Variants in TANC1 observed in about 807,000 individuals in gnomAD.
TANC1 encodes the protein tetratricopeptide repeat, ankyrin repeat and coiled-coil containing 1.
A neutral mutation model predicts 149.7 loss-of-function variants in TANC1; 77 were observed. The observed-to-expected ratio is 0.51, with a 90% CI of 0.43 to 0.62. The LOEUF is 0.62. Ranked by LOEUF, TANC1 falls within the 20% of genes least tolerant of loss-of-function variation. TANC1 has a pLI of 0.00. For missense variants in TANC1, 1,985 were observed against 2,321.8 expected (o/e 0.85, Z 2.98); for synonymous variants, 854 against 925.0 (o/e 0.92, Z 1.39).
chr2:159,192,449 A>C (rs971922908), intron 16 of TANC1, among the ~76,000 whole-genome samples: 1 of 152,078 alleles, frequency 6.6e-6, no homozygotes, highest in African/African-American at 2.4e-5. Flanking sequence ...GCACCCAGCC[A>C]CAATTATTAC....
At chr2:159,228,587 A>G in intron 25 of TANC1, 1 of 533,310 alleles carries the variant, frequency 1.9e-6, no homozygotes, top group Non-Finnish European at 3.4e-6. Context: ...TGTTACTACC[A>G]CTGTTTTCAT....
At chr2:159,092,192 A>G (rs1288730006) in intron 3 of TANC1, among the ~76,000 whole-genome samples, 2 of 152,220 alleles carry the variant, frequency 1.3e-5, no homozygotes, top group Non-Finnish European at 2.9e-5. Flanking sequence ...TCAGTGGCAC[A>G]ATAAATGGAA....
At chr2:159,115,992 G>A (rs58648593) in intron 4 of TANC1, among the ~76,000 whole-genome samples, 12,787 of 152,164 alleles carry the variant, frequency 0.084, 730 homozygotes, top group Admixed American at 0.17. Flanking sequence ...AGTGCTCCAC[G>A]AAGCCATGCT....
At chr2:159,050,035 T>C (rs1019676690) in intron 2 of TANC1, among the ~76,000 whole-genome samples, 4 of 152,172 alleles carry the variant, frequency 2.6e-5, no homozygotes, top group Non-Finnish European at 5.9e-5. Context: ...TAGACTGATA[T>C]GGGATTGGGT....
intron 2 of TANC1, among the ~76,000 whole-genome samples, chr2:159,025,603 C>A (rs2039272905): frequency 6.6e-6 from 1 of 152,132 alleles, no homozygotes. Flanking sequence ...ATAGATTTTT[C>A]CTGTTAACAC....
intron 1 of TANC1, among the ~76,000 whole-genome samples, chr2:158,981,381 C>G (rs1048721538): frequency 1.3e-4 from 20 of 150,384 alleles, no homozygotes; most frequent in African/African-American, 4.9e-4. Context: ...ATTGCTTGAG[C>G]CTGGGAGATG....
At chr2:159,135,096 C>G (rs1463498905) in intron 4 of TANC1, among the ~76,000 whole-genome samples, 1 of 152,144 alleles carries the variant, frequency 6.6e-6, no homozygotes, top group African/African-American at 2.4e-5. Flanking sequence ...TTACCATTAC[C>G]CCACAGGCCT....
chr2:159,020,510 AT>A (rs1221006935), intron 2 of TANC1, among the ~76,000 whole-genome samples: 1 of 152,220 alleles, frequency 6.6e-6, no homozygotes, highest in African/African-American at 2.4e-5. Context: ...TGTGTAACAC[AT>A]ACAAACCTAA....
rs1022646789 is a variant in TANC1 at position 159,224,342 on chromosome 2, A to G, written c.3789A>G (p.Leu1263=). The part of the protein sequence containing the change: ...GCRNTSVVVA[L]LRKGAKLGNA... The stretch of plus-strand genomic sequence containing the variant: ...GGAACACATCTGTAGTGGTGGCGCT[A>G]CTCAGAAAGGGAGCCAAGTTAGGTC... The change falls in exon 23 of 27, where the codon CTA becomes CTG. Residue 1263 remains leucine (L), a synonymous_variant. Transcript: ENST00000263635. The G allele has an allele frequency of 7.4e-6, 12 of 1,614,100 alleles. No individual in the cohort carries two copies. In the Admixed American group the frequency reaches 1.3e-4, roughly 18 times the overall value.
Position 159,186,888 on chromosome 2 carries a change from T to G in TANC1, c.2620-14T>G, listed in dbSNP as rs372198237. ...TCTCTGATTGTTTCCAAGATCTGTC[T>G]CGATTGTTTCCAGGGCCTCAGTAAG... On this transcript the variant is annotated splice_polypyrimidine_tract_variant and intron_variant, in intron 15 of 26. Transcript: ENST00000263635. The G allele has an allele frequency of 3.1e-6, 5 of 1,614,192 alleles. No homozygotes were observed. Among genetic ancestry groups the G allele is most frequent in the Non-Finnish European group, 4.2e-6 (5 of 1,180,028 alleles).
chr2:158,984,403 G>A (rs564015687), intron 1 of TANC1, among the ~76,000 whole-genome samples: 1 of 152,308 alleles, frequency 6.6e-6, no homozygotes, highest in South Asian at 2.1e-4. Context: ...TCCTTCATAA[G>A]AGTGGTGTTA....
intron 2 of TANC1, among the ~76,000 whole-genome samples, chr2:159,064,390 G>A (rs1052676294): frequency 3.3e-5 from 5 of 152,150 alleles, no homozygotes; most frequent in Admixed American, 2.0e-4. Context: ...ATTTTACTCC[G>A]ATAACCTTCA....
At chr2:159,228,030 G>T (rs2060122876) in intron 25 of TANC1, 65 bp downstream of exon 25, 5 of 1,552,156 alleles carry the variant, frequency 3.2e-6, no homozygotes, top group Non-Finnish European at 1.7e-6. Flanking sequence ...AGCAGTGAAG[G>T]CCAGCCCTTC....
chr2:159,128,874 C>T (rs530960913), intron 4 of TANC1, among the ~76,000 whole-genome samples: 27 of 152,248 alleles, frequency 1.8e-4, no homozygotes, highest in African/African-American at 4.6e-4. Context: ...TAGTTTACCA[C>T]GGTTTGCCAT....
At chr2:159,054,072 G>T (rs749318851) in intron 2 of TANC1, among the ~76,000 whole-genome samples, 34 of 152,272 alleles carry the variant, frequency 2.2e-4, no homozygotes, top group South Asian at 4.2e-4. Context: ...GGCCAAAGCC[G>T]ATTTATCTTT....
intron 2 of TANC1, among the ~76,000 whole-genome samples, chr2:159,002,003 G>T (rs1341878092): frequency 6.6e-6 from 1 of 152,192 alleles, no homozygotes. Context: ...CCATCCTCCA[G>T]TGTCCAGACT....
intron 1 of TANC1, among the ~76,000 whole-genome samples, chr2:158,984,416 C>T (rs1288279326): frequency 6.6e-6 from 1 of 152,152 alleles, no homozygotes; most frequent in East Asian, 1.9e-4. Context: ...TGGTGTTAGC[C>T]AACTCAACAA....
intron 21 of TANC1, 99 bp from the exon 22 acceptor site, chr2:159,219,593 A>T (rs2059561262): frequency 6.8e-7 from 1 of 1,471,248 alleles, no homozygotes; most frequent in Admixed American, 1.7e-5. Context: ...CTTGACTGAC[A>T]CTTGGTTCAG....
intron 7 of TANC1, among the ~76,000 whole-genome samples, chr2:159,152,603 C>T (rs553673903): frequency 6.6e-6 from 1 of 152,060 alleles, no homozygotes; most frequent in Admixed American, 6.5e-5. Flanking sequence ...AATCCTCCCA[C>T]CTCAGGTTCC....
Sources: gnomAD v4.1 joint callset for allele counts (sites outside exome capture counted in the v4.1 genomes callset) on GRCh38, gnomAD v4.1.1 for gene constraint, MANE v1.5 for transcripts, NCBI Gene and HGNC (gene_info 2026-07-23, HGNC 2026-07-21) for gene names.